TBC1D22A: variants seen among roughly 807,000 people sequenced by gnomAD.
TBC1D22A encodes the protein TBC1 domain family member 22A.
In TBC1D22A, 38 loss-of-function variants were observed where a neutral mutation model predicts 60.2. That is an observed-to-expected ratio of 0.63 (90% CI 0.49 to 0.83). TBC1D22A has a LOEUF of 0.83. Among genes scored for constraint, TBC1D22A ranks in the 40% least tolerant of loss-of-function variants. The pLI is 0.00. For synonymous variants in TBC1D22A, 302 were observed against 281.7 expected, an observed-to-expected ratio of 1.07 and a Z score of -0.72; for missense variants, 628 against 701.0, an observed-to-expected ratio of 0.90 and a Z score of 1.18.
intron 1 of TBC1D22A, among the ~76,000 whole-genome samples, chr22:46,773,106 C>T (rs1454652006): frequency 6.6e-6 from 1 of 152,218 alleles, no homozygotes; most frequent in Non-Finnish European, 1.5e-5. Context: ...TGACACCTGC[C>T]CCTCCTTTCC....
chr22:46,826,583 G>T (rs1169029752), intron 4 of TBC1D22A, among the ~76,000 whole-genome samples: 1 of 152,188 alleles, frequency 6.6e-6, no homozygotes. Context: ...TCGTGTCCTG[G>T]TGTCCTGGAA....
intron 1 of TBC1D22A, among the ~76,000 whole-genome samples, chr22:46,778,918 C>T (rs1488328941): frequency 6.6e-6 from 1 of 152,032 alleles, no homozygotes; most frequent in African/African-American, 2.4e-5. Flanking sequence ...GTGGTGGGCA[C>T]CTGTAATCCC....
At chr22:46,987,031 G>C (rs747658469) in intron 9 of TBC1D22A, among the ~76,000 whole-genome samples, 2 of 152,186 alleles carry the variant, frequency 1.3e-5, no homozygotes, top group Non-Finnish European at 2.9e-5. Context: ...GATTGTCCTC[G>C]TGGCATGGTG....
chr22:47,042,836 A>G (rs927675929), intron 11 of TBC1D22A, among the ~76,000 whole-genome samples: 4 of 152,226 alleles, frequency 2.6e-5, no homozygotes, highest in African/African-American at 9.6e-5. Flanking sequence ...TCAGTATCTT[A>G]GGTGAAATGT....
chr22:47,148,383 A>G (rs931455854), intron 12 of TBC1D22A, among the ~76,000 whole-genome samples: 3 of 151,954 alleles, frequency 2.0e-5, no homozygotes, highest in African/African-American at 7.2e-5. Context: ...ATATGGCACG[A>G]GAAAAGAACA....
At chr22:47,119,579 CTCCACCTCCTGGGTTCAAGTGAT>C (rs1463887777) in intron 12 of TBC1D22A, among the ~76,000 whole-genome samples, 1 of 151,998 alleles carries the variant, frequency 6.6e-6, no homozygotes, top group African/African-American at 2.4e-5. Context: ...TCGCTGCAGC[CTCCACCTCCTGGGTTCAAGTGAT>C]TCTCCTGCCT....
intron 11 of TBC1D22A, among the ~76,000 whole-genome samples, chr22:47,062,150 T>A (rs528390275): frequency 8.7e-5 from 13 of 149,380 alleles, no homozygotes; most frequent in Non-Finnish European, 1.9e-4. Flanking sequence ...TTTGTTGCTG[T>A]CAGTCAGAAC....
chr22:46,900,383 C>T (rs1056688770), intron 7 of TBC1D22A, among the ~76,000 whole-genome samples: 1 of 152,086 alleles, frequency 6.6e-6, no homozygotes, highest in African/African-American at 2.4e-5. Context: ...AACTCCTGAC[C>T]TGGAGATCCA....
At chr22:47,073,571 A>T (rs889152724) in intron 11 of TBC1D22A, among the ~76,000 whole-genome samples, 1 of 152,188 alleles carries the variant, frequency 6.6e-6, no homozygotes, top group African/African-American at 2.4e-5. Context: ...ATAAAAATTT[A>T]AAAAAACACA....
At chr22:47,052,776 C>T (rs938289873) in intron 11 of TBC1D22A, among the ~76,000 whole-genome samples, 8 of 152,222 alleles carry the variant, frequency 5.3e-5, no homozygotes, top group African/African-American at 1.4e-4. Flanking sequence ...ACAGTACCCC[C>T]GGGCATCTTC....
intron 8 of TBC1D22A, among the ~76,000 whole-genome samples, chr22:46,968,076 G>C (rs1323726080): frequency 1.3e-5 from 2 of 152,240 alleles, no homozygotes; most frequent in African/African-American, 4.8e-5. Context: ...GCCTTGTGGT[G>C]ACGGGCTCTT....
chr22:47,080,746 T>G (rs927029150), intron 11 of TBC1D22A, among the ~76,000 whole-genome samples: 5 of 150,336 alleles, frequency 3.3e-5, no homozygotes, highest in African/African-American at 1.2e-4. Flanking sequence ...GGGAAGGAAA[T>G]GAAAATGAAA....
At chr22:47,142,306 TCCATCCACCCAC>T (rs2067117423) in intron 12 of TBC1D22A, among the ~76,000 whole-genome samples, 1 of 110,864 alleles carries the variant, frequency 9.0e-6, no homozygotes, top group South Asian at 3.8e-4. Context: ...CTTCCATCCA[TCCATCCACCCAC>T]CCATCCATTC....
At chr22:46,873,518 T>C (rs1351575735) in intron 4 of TBC1D22A, among the ~76,000 whole-genome samples, 1 of 152,224 alleles carries the variant, frequency 6.6e-6, no homozygotes, top group African/African-American at 2.4e-5. Context: ...ATTTACTTAT[T>C]TATTTTTAAA....
chr22:46,850,408 T>A (rs1462598583), intron 4 of TBC1D22A, among the ~76,000 whole-genome samples: 1 of 152,166 alleles, frequency 6.6e-6, no homozygotes, highest in Non-Finnish European at 1.5e-5. Context: ...TGGGAAGGTT[T>A]AAAACTAGAT....
At chr22:46,778,101 G>T (rs1191667487) in intron 1 of TBC1D22A, among the ~76,000 whole-genome samples, 1 of 152,176 alleles carries the variant, frequency 6.6e-6, no homozygotes, top group Non-Finnish European at 1.5e-5. Context: ...GCATACTCGT[G>T]TAGGGCAGCT....
intron 7 of TBC1D22A, 116 bp downstream of exon 7, chr22:46,894,962 T>C (rs2071119): frequency 0.75 from 834,426 of 1,118,678 alleles, 312,434 homozygotes; most frequent in Middle Eastern, 0.85. Context: ...GTTGCTGTGG[T>C]GAGCTGCCGG....
chr22:47,103,076 C>T (rs1284137502), intron 11 of TBC1D22A, among the ~76,000 whole-genome samples: 1 of 152,326 alleles, frequency 6.6e-6, no homozygotes. Flanking sequence ...GAAAGAGGTA[C>T]GTTGCTCTAG....
intron 9 of TBC1D22A, among the ~76,000 whole-genome samples, chr22:46,987,964 G>A (rs1045832150): frequency 2.0e-5 from 3 of 152,130 alleles, no homozygotes; most frequent in Non-Finnish European, 2.9e-5. Flanking sequence ...TAGGCTTATG[G>A]AGTGTTCTGA....
Sources: allele counts gnomAD v4.1 joint callset (sites outside exome capture counted in the v4.1 genomes callset), GRCh38; gene constraint gnomAD v4.1.1; transcripts MANE v1.5; gene names NCBI Gene and HGNC (gene_info 2026-07-23, HGNC 2026-07-21).